LINGO2: variants seen among roughly 807,000 people sequenced by gnomAD.
The protein encoded by LINGO2 is leucine rich repeat and Ig domain containing 2, also known as leucine-rich repeat and immunoglobulin-like domain-containing nogo receptor-interacting protein 2.
LINGO2 carries 14 observed loss-of-function variants against 30.6 expected under a neutral mutation model. The ratio of observed to expected loss-of-function variants is 0.46; its 90% CI spans 0.30 to 0.72. The LOEUF (loss-of-function observed/expected upper bound fraction) is 0.72. Among genes scored for constraint, LINGO2 ranks in the 30% least tolerant of loss-of-function variants. The pLI is 0.07. For missense variants in LINGO2, 729 were observed against 751.7 expected, an observed-to-expected ratio of 0.97 and a Z score of 0.35; for synonymous variants, 317 against 288.5, an observed-to-expected ratio of 1.10 and a Z score of -1.00.
chr9:28,052,007 A>G (rs1004644595), intron 4 of LINGO2, among the ~76,000 whole-genome samples: 15 of 152,154 alleles, frequency 9.9e-5, no homozygotes, highest in African/African-American at 3.4e-4. Context: ...ATCTCTCATT[A>G]TACAGTTGGG....
intron 3 of LINGO2, among the ~76,000 whole-genome samples, chr9:28,357,315 G>GCCCCCCC (rs747187754): frequency 1.8e-4 from 12 of 66,060 alleles, no homozygotes; most frequent in Non-Finnish European, 3.5e-4. Flanking sequence ...CAGAAATAAA[G>GCCCCCCC]CCCACCCCCC....
At chr9:28,365,701 C>G (rs1301427357) in intron 3 of LINGO2, among the ~76,000 whole-genome samples, 1 of 151,802 alleles carries the variant, frequency 6.6e-6, no homozygotes, top group Admixed American at 6.6e-5. Flanking sequence ...ACGGTTTACC[C>G]TGCCTTTTCA....
At chr9:29,070,736 A>AT in the LINGO2 span, among the ~76,000 whole-genome samples, 1 of 123,404 alleles carries the variant, frequency 8.1e-6, no homozygotes, top group Admixed American at 8.3e-5. Context: ...AGACTTCACT[A>AT]TTTTCCAAAA....
At chr9:28,731,480 T>C in the LINGO2 span, among the ~76,000 whole-genome samples, 1 of 152,142 alleles carries the variant, frequency 6.6e-6, no homozygotes, top group African/African-American at 2.4e-5. Context: ...TATAATACTT[T>C]CGAAATAATA....
At chr9:28,673,975 T>A (rs1406006473), upstream of LINGO2, among the ~76,000 whole-genome samples, 1 of 151,386 alleles carries the variant, frequency 6.6e-6, no homozygotes, top group Non-Finnish European at 1.5e-5. Context: ...AAAAAATCCA[T>A]CCATATGCTT....
chr9:28,755,675 A>T, the LINGO2 span, among the ~76,000 whole-genome samples: 1 of 152,142 alleles, frequency 6.6e-6, no homozygotes, highest in East Asian at 1.9e-4. Flanking sequence ...GTTAAACTAC[A>T]GTCTCTCCTG....
At chr9:28,471,368 CT>C (rs1825512198) in intron 2 of LINGO2, among the ~76,000 whole-genome samples, 1 of 152,158 alleles carries the variant, frequency 6.6e-6, no homozygotes, top group African/African-American at 2.4e-5. Context: ...CTTTAACAGC[CT>C]GCTGTCTTGG....
At chr9:28,874,884 C>T in the LINGO2 span, among the ~76,000 whole-genome samples, 2 of 152,088 alleles carry the variant, frequency 1.3e-5, no homozygotes, top group African/African-American at 4.8e-5. Context: ...TGACAAATAT[C>T]CATAGTGTGC....
At chr9:28,412,017 C>A (rs957632365) in intron 2 of LINGO2, among the ~76,000 whole-genome samples, 13 of 151,640 alleles carry the variant, frequency 8.6e-5, no homozygotes, top group Non-Finnish European at 1.8e-4. Context: ...ATGGTGAAGT[C>A]TGGGATTTTA....
chr9:28,236,984 G>A (rs1021757065), intron 4 of LINGO2, among the ~76,000 whole-genome samples: 3 of 151,766 alleles, frequency 2.0e-5, no homozygotes, highest in Admixed American at 1.3e-4. Context: ...GTCTATACCA[G>A]AATATCTCGG....
At chr9:28,662,859 A>T (rs906551416) in intron 1 of LINGO2, among the ~76,000 whole-genome samples, 5 of 152,210 alleles carry the variant, frequency 3.3e-5, no homozygotes, top group Admixed American at 6.5e-5. Flanking sequence ...CTGACCATTC[A>T]GCAAAAAAGA....
rs879035186 is a variant in LINGO2 at position 28,141,407 on chromosome 9, C to T, written c.-86-129002G>A. Among the ~76,000 whole-genome samples, 11 of 152,146 alleles carry T rather than the reference C, an allele frequency of 7.2e-5. No homozygotes were observed. In the East Asian group the frequency reaches 7.7e-4, roughly 11 times the overall value. ...GCATTTAGTAGTCAGAAGCTAGGGA[C>T]GCTCAGTGTTCAGCAATGCTTGGGA... On this transcript the variant is annotated intron_variant, in intron 4 of 5. Transcript: ENST00000379992.
intron 4 of LINGO2, among the ~76,000 whole-genome samples, chr9:28,269,181 C>T (rs1322567207): frequency 6.6e-6 from 1 of 151,936 alleles, no homozygotes; most frequent in Non-Finnish European, 1.5e-5. Context: ...TTAATTATAC[C>T]TCTATTTTCC....
At chr9:28,873,709 C>T in the LINGO2 span, among the ~76,000 whole-genome samples, 1 of 152,092 alleles carries the variant, frequency 6.6e-6, no homozygotes, top group East Asian at 1.9e-4. Flanking sequence ...CAGAAAAAGA[C>T]TAAAGGAAGA....
At chr9:28,521,032 C>G (rs1820808039) in intron 1 of LINGO2, among the ~76,000 whole-genome samples, 2 of 152,066 alleles carry the variant, frequency 1.3e-5, no homozygotes, top group Admixed American at 6.6e-5. Flanking sequence ...AATTAAACTC[C>G]TTCTCAATAA....
intron 2 of LINGO2, among the ~76,000 whole-genome samples, chr9:28,444,266 A>T (rs1824320361): frequency 6.6e-6 from 1 of 152,166 alleles, no homozygotes; most frequent in African/African-American, 2.4e-5. Context: ...AGACTGTGGG[A>T]GTGAAGAGTG....
At chr9:29,146,185 G>A in the LINGO2 span, among the ~76,000 whole-genome samples, 1 of 151,946 alleles carries the variant, frequency 6.6e-6, no homozygotes, top group African/African-American at 2.4e-5. Context: ...GTGAAACCCC[G>A]TCTCTACTAA....
chr9:28,011,541 T>A (rs900328291), intron 5 of LINGO2, among the ~76,000 whole-genome samples: 1 of 152,196 alleles, frequency 6.6e-6, no homozygotes, highest in Non-Finnish European at 1.5e-5. Flanking sequence ...GACTTCAGTT[T>A]GCTGCACACT....
At chr9:29,025,447 T>G in the LINGO2 span, among the ~76,000 whole-genome samples, 2 of 152,242 alleles carry the variant, frequency 1.3e-5, no homozygotes, top group South Asian at 2.1e-4. Flanking sequence ...CCAAGTTACA[T>G]CTATTGTTTA....
Sources: gnomAD v4.1 joint callset for allele counts (sites outside exome capture counted in the v4.1 genomes callset) on GRCh38, gnomAD v4.1.1 for gene constraint, MANE v1.5 for transcripts, NCBI Gene and HGNC (gene_info 2026-07-23, HGNC 2026-07-21) for gene names.